Variants in ASB5 observed in about 807,000 individuals in gnomAD.
The protein encoded by ASB5 is ankyrin repeat and SOCS box containing 5.
In ASB5, 45 loss-of-function variants were observed where a neutral mutation model predicts 42.1. The ratio of observed to expected loss-of-function variants is 1.07; its 90% CI spans 0.84 to 1.37. The LOEUF (loss-of-function observed/expected upper bound fraction) is 1.37, where lower values mean the gene tolerates loss of function less well. Ranked by LOEUF, ASB5 falls within the 40% of genes most tolerant of loss-of-function variation. ASB5 has a pLI of 0.00. For synonymous variants in ASB5, 147 were observed against 150.6 expected (o/e 0.98, Z 0.18); for missense variants, 402 against 399.8 (o/e 1.01, Z -0.05).
chr4:176,250,703 A>G (rs1050025962), intron 1 of ASB5, among the ~76,000 whole-genome samples: 2 of 152,228 alleles, frequency 1.3e-5, no homozygotes, highest in African/African-American at 2.4e-5. Flanking sequence ...ACTCTTTCCA[A>G]TGTACTAGAT....
upstream of ASB5, among the ~76,000 whole-genome samples, chr4:176,269,710 C>A (rs1175394870): frequency 6.6e-6 from 1 of 152,188 alleles, no homozygotes; most frequent in Non-Finnish European, 1.5e-5. Context: ...AACACGGTTC[C>A]TTCATCCAAT....
At chr4:176,268,846 C>G in intron 1 of ASB5, 67 bp downstream of exon 1, 1 of 1,296,710 alleles carries the variant, frequency 7.7e-7, no homozygotes, top group Non-Finnish European at 1.0e-6. Flanking sequence ...AAAAAGAAAA[C>G]ATGTAATTGT....
intron 1 of ASB5, among the ~76,000 whole-genome samples, chr4:176,261,217 C>A (rs1036244455): frequency 2.0e-5 from 3 of 152,072 alleles, no homozygotes; most frequent in Admixed American, 1.3e-4. Context: ...TCTGAGGATG[C>A]GCAGTGCTGA....
intron 1 of ASB5, among the ~76,000 whole-genome samples, chr4:176,264,808 G>A (rs1754325244): frequency 6.6e-6 from 1 of 151,914 alleles, no homozygotes; most frequent in South Asian, 2.1e-4. Flanking sequence ...GTTACTCTAA[G>A]GTAACATTTT....
chr4:176,263,898 A>G (rs956546727), intron 1 of ASB5, among the ~76,000 whole-genome samples: 5 of 152,042 alleles, frequency 3.3e-5, no homozygotes, highest in African/African-American at 9.7e-5. Flanking sequence ...ATTAATGGAG[A>G]AAAAAAAGAT....
At chr4:176,243,160 T>C (rs567713179) in intron 1 of ASB5, among the ~76,000 whole-genome samples, 33 of 152,324 alleles carry the variant, frequency 2.2e-4, no homozygotes, top group African/African-American at 7.7e-4. Flanking sequence ...TTTATAATAT[T>C]AGTCATTTAA....
intron 1 of ASB5, among the ~76,000 whole-genome samples, chr4:176,268,281 G>A (rs190753498): frequency 6.6e-6 from 1 of 152,098 alleles, no homozygotes. Context: ...GCACTTGGCT[G>A]CACACATATA....
At chr4:176,250,592 T>A (rs1243111410) in intron 1 of ASB5, among the ~76,000 whole-genome samples, 1 of 152,122 alleles carries the variant, frequency 6.6e-6, no homozygotes, top group East Asian at 1.9e-4. Flanking sequence ...ATTTTGCAGA[T>A]AAAGAAACAG....
intron 2 of ASB5, among the ~76,000 whole-genome samples, chr4:176,224,724 C>G (rs567694867): frequency 2.4e-4 from 37 of 151,992 alleles, no homozygotes; most frequent in Non-Finnish European, 4.6e-4. Context: ...ATACCCAAGC[C>G]AAAGTGTTTT....
At chr4:176,242,557 C>T (rs1170579198) in intron 1 of ASB5, among the ~76,000 whole-genome samples, 1 of 152,138 alleles carries the variant, frequency 6.6e-6, no homozygotes, top group Non-Finnish European at 1.5e-5. Context: ...ATAATAACCA[C>T]TTATGGTAAA....
At chr4:176,228,260 A>G (rs940330888) in intron 1 of ASB5, among the ~76,000 whole-genome samples, 3 of 152,138 alleles carry the variant, frequency 2.0e-5, no homozygotes, top group African/African-American at 7.2e-5. Context: ...TTTCATTCTG[A>G]TTCCCTTTCA....
chr4:176,218,097 C>A (rs1288293578), intron 5 of ASB5, among the ~76,000 whole-genome samples: 1 of 146,446 alleles, frequency 6.8e-6, no homozygotes, highest in Non-Finnish European at 1.5e-5. Context: ...AAATAACAAT[C>A]AATCAACAAT....
At chr4:176,265,105 A>G (rs1754330949) in intron 1 of ASB5, among the ~76,000 whole-genome samples, 1 of 152,152 alleles carries the variant, frequency 6.6e-6, no homozygotes, top group Non-Finnish European at 1.5e-5. Flanking sequence ...TTTCATACCA[A>G]AAACTTTCAA....
At position 176,215,723 on chromosome 4, in the gene ASB5, G is replaced by C; in HGVS notation, c.867C>G (p.Thr289=). 6.2e-7 allele frequency: 1 copy of C among 1,609,492 alleles called. No homozygotes were observed. The highest frequency in any genetic ancestry group is 1.3e-5 in the African/African-American group (1 of 74,734). Residue 289 remains threonine, a synonymous_variant, in exon 7 of 7, where the codon ACC becomes ACG. Transcript: ENST00000296525. ...GGCAAAGTTGGTAAAGAGAGCTTGG[G>C]GTAGCTACAAGAAGACATGAATCTA... ...VERILLQHEA[T]PSSLYQLCRL... is the part of the protein sequence containing the mutation.
intron 1 of ASB5, among the ~76,000 whole-genome samples, chr4:176,254,703 G>T (rs1449947849): frequency 1.1e-4 from 16 of 152,010 alleles, no homozygotes; most frequent in Non-Finnish European, 1.5e-5. Context: ...AATTCAACAA[G>T]CAAAAAACAA....
At chr4:176,273,485 C>A (rs1466553978), upstream of ASB5, among the ~76,000 whole-genome samples, 2 of 151,942 alleles carry the variant, frequency 1.3e-5, no homozygotes, top group Non-Finnish European at 2.9e-5. Flanking sequence ...GCAAATGGAA[C>A]CCTTAGATGT....
At chr4:176,260,713 C>T (rs1180450645) in intron 1 of ASB5, among the ~76,000 whole-genome samples, 1 of 152,180 alleles carries the variant, frequency 6.6e-6, no homozygotes. Context: ...GAGTCTAGCT[C>T]TGTTGCCAGG....
chr4:176,214,869 C>T lies in ASB5; in HGVS notation c.*731G>A, dbSNP rs1379825995. Reference sequence around the variant, plus strand: ...CGCCTTGATAAGAGATCATCAGGGGCTACTCCTGAGAAGGAGGCAGTCTTA... The same window carrying T: ...CGCCTTGATAAGAGATCATCAGGGGTTACTCCTGAGAAGGAGGCAGTCTTA... On this transcript the variant is annotated 3_prime_UTR_variant, in exon 7 of 7. Coordinates refer to ENST00000296525, the MANE Select transcript of ASB5 (RefSeq NM_080874.4). The T allele has an allele frequency of 6.6e-6, 1 of 152,072 alleles. No homozygotes were observed. Among genetic ancestry groups the T allele is most frequent in the Non-Finnish European group, 1.5e-5 (1 of 68,002 alleles). 9.4% of individuals were successfully genotyped at this position (152,072 alleles called of 1,614,324 possible).
chr4:176,262,169 C>T (rs1011100268), intron 1 of ASB5, among the ~76,000 whole-genome samples: 1 of 152,100 alleles, frequency 6.6e-6, no homozygotes, highest in East Asian at 1.9e-4. Context: ...ACCTAGTTTT[C>T]ATTCCTTTTC....
Sources: allele counts gnomAD v4.1 joint callset (sites outside exome capture counted in the v4.1 genomes callset), GRCh38; gene constraint gnomAD v4.1.1; transcripts MANE v1.5; gene names NCBI Gene and HGNC (gene_info 2026-07-23, HGNC 2026-07-21).